Variants in HCN1 observed in about 807,000 individuals in gnomAD.
HCN1 encodes potassium/sodium hyperpolarization-activated cyclic nucleotide-gated channel 1.
In HCN1, 13 loss-of-function variants were observed where a neutral mutation model predicts 78.9. The observed-to-expected ratio is 0.16, with a 90% CI of 0.11 to 0.26. The LOEUF (loss-of-function observed/expected upper bound fraction) is 0.26, where lower values mean the gene tolerates loss of function less well. Ranked by LOEUF, HCN1 falls within the 10% of genes least tolerant of loss-of-function variation. HCN1 has a pLI of 1.00. For synonymous variants in HCN1, 552 were observed against 455.5 expected (o/e 1.21, Z -2.70); for missense variants, 810 against 1,154.3 (o/e 0.70, Z 4.32).
intron 5 of HCN1, among the ~76,000 whole-genome samples, chr5:45,337,164 C>T (rs941012055): frequency 1.3e-5 from 2 of 152,018 alleles, no homozygotes; most frequent in African/African-American, 4.8e-5. Flanking sequence ...TCCAAGTGAG[C>T]TCTGCATTGA....
At chr5:45,406,511 T>C (rs1032637563) in intron 3 of HCN1, among the ~76,000 whole-genome samples, 1 of 152,190 alleles carries the variant, frequency 6.6e-6, no homozygotes, top group Non-Finnish European at 1.5e-5. Context: ...CTTGCTTTAG[T>C]TCACACACTT....
chr5:45,617,928 T>C lies in HCN1; in HGVS notation c.849+27257A>G, dbSNP rs915705709. 2.0e-5 allele frequency among the ~76,000 whole-genome samples: 3 copies of C among 152,138 alleles called. No individual in the cohort carries two copies. The East Asian group carries it at 5.8e-4, about 29-fold the overall frequency. ...CCTGTTCCAGAGTCTACTCATTCATTTGCTACAAAGTATATTGTAGACTTA... is the reference window on the plus strand; with the variant it reads ...CCTGTTCCAGAGTCTACTCATTCATCTGCTACAAAGTATATTGTAGACTTA... On this transcript the variant is annotated intron_variant, in intron 2 of 7. Coordinates refer to ENST00000303230, the MANE Select transcript of HCN1 (RefSeq NM_021072.4).
chr5:45,279,504 T>A (rs746756262), intron 6 of HCN1, among the ~76,000 whole-genome samples: 13 of 152,186 alleles, frequency 8.5e-5, no homozygotes, highest in African/African-American at 1.2e-4. Flanking sequence ...ATTTTTCCTA[T>A]ATTTTGTTAA....
intron 2 of HCN1, among the ~76,000 whole-genome samples, chr5:45,578,811 C>G (rs1054066411): frequency 6.6e-6 from 1 of 151,846 alleles, no homozygotes; most frequent in Non-Finnish European, 1.5e-5. Flanking sequence ...CACTTTTGCT[C>G]TAGAAAGAAG....
At chr5:45,285,836 CTG>C (rs1320034648) in intron 6 of HCN1, among the ~76,000 whole-genome samples, 1 of 151,962 alleles carries the variant, frequency 6.6e-6, no homozygotes, top group Non-Finnish European at 1.5e-5. Context: ...AACATGGTAA[CTG>C]TGACCATGAA....
At chr5:45,345,700 T>C (rs373399474) in intron 5 of HCN1, among the ~76,000 whole-genome samples, 36 of 152,314 alleles carry the variant, frequency 2.4e-4, no homozygotes, top group African/African-American at 7.7e-4. Context: ...TTATTGACCA[T>C]AGCACTTTCA....
chr5:45,694,462 T>G (rs1320161470), intron 1 of HCN1, among the ~76,000 whole-genome samples: 1 of 152,192 alleles, frequency 6.6e-6, no homozygotes, highest in East Asian at 1.9e-4. Flanking sequence ...TTCAGAACTG[T>G]GGACAGCTCC....
chr5:45,381,833 A>G (rs996772228), intron 4 of HCN1, among the ~76,000 whole-genome samples: 5 of 152,054 alleles, frequency 3.3e-5, no homozygotes, highest in Non-Finnish European at 5.9e-5. Flanking sequence ...ACCACAGCCA[A>G]CATGGTCTTT....
At chr5:45,439,799 A>G (rs1740635475) in intron 3 of HCN1, among the ~76,000 whole-genome samples, 1 of 151,882 alleles carries the variant, frequency 6.6e-6, no homozygotes, top group Admixed American at 6.6e-5. Context: ...GCTAGTTCAC[A>G]GACGAAGACA....
intron 2 of HCN1, among the ~76,000 whole-genome samples, chr5:45,566,710 C>T (rs1743713480): frequency 6.6e-6 from 1 of 152,130 alleles, no homozygotes; most frequent in Non-Finnish European, 1.5e-5. Context: ...ACTACAGGTC[C>T]TCATACGTAA....
intron 2 of HCN1, among the ~76,000 whole-genome samples, chr5:45,462,408 A>G (rs1306202970): frequency 6.6e-6 from 1 of 152,100 alleles, no homozygotes; most frequent in Non-Finnish European, 1.5e-5. Flanking sequence ...GATTTGTTGA[A>G]AGACAAAGAA....
chr5:45,418,319 C>A (rs10472404), intron 3 of HCN1, among the ~76,000 whole-genome samples: 2 of 150,494 alleles, frequency 1.3e-5, no homozygotes, highest in Non-Finnish European at 1.5e-5. Flanking sequence ...GGATAAGATA[C>A]GTTTTTCTAC....
chr5:45,325,475 C>G (rs910799657), intron 5 of HCN1, among the ~76,000 whole-genome samples: 3 of 151,644 alleles, frequency 2.0e-5, no homozygotes, highest in African/African-American at 7.3e-5. Flanking sequence ...ACAAATAAAA[C>G]ATATAACTCA....
chr5:45,328,749 G>T (rs953036098), intron 5 of HCN1, among the ~76,000 whole-genome samples: 1 of 151,496 alleles, frequency 6.6e-6, no homozygotes, highest in African/African-American at 2.4e-5. Context: ...CTCTAGTAAC[G>T]AACTGAAACT....
chr5:45,302,438 T>G (rs1229196688), intron 6 of HCN1, among the ~76,000 whole-genome samples: 2 of 152,008 alleles, frequency 1.3e-5, no homozygotes, highest in African/African-American at 4.8e-5. Context: ...TCTCAGGTAT[T>G]TACAGTAGTG....
intron 2 of HCN1, among the ~76,000 whole-genome samples, chr5:45,551,381 CTT>C (rs943742818): frequency 1.4e-5 from 2 of 144,814 alleles, no homozygotes. Flanking sequence ...ATCTCCCAAC[CTT>C]TTTTTTTTTA....
chr5:45,279,910 A>G (rs1277375431), intron 6 of HCN1, among the ~76,000 whole-genome samples: 1 of 152,116 alleles, frequency 6.6e-6, no homozygotes, highest in Non-Finnish European at 1.5e-5. Context: ...TTTTGTAAAG[A>G]AGTTATTTGC....
intron 4 of HCN1, among the ~76,000 whole-genome samples, chr5:45,353,586 TAAAAGA>T (rs1005736345): frequency 2.0e-5 from 3 of 152,012 alleles, no homozygotes; most frequent in Non-Finnish European, 2.9e-5. Context: ...AATTGAGTTC[TAAAAGA>T]AGTATGAAAT....
At chr5:45,280,022 AAGATATATAAT>A (rs2111866406) in intron 6 of HCN1, among the ~76,000 whole-genome samples, 1 of 152,218 alleles carries the variant, frequency 6.6e-6, no homozygotes, top group East Asian at 1.9e-4. Flanking sequence ...TGAAACATGA[AAGATATATAAT>A]TTATTATAAT....
Sources: allele counts gnomAD v4.1 joint callset (sites outside exome capture counted in the v4.1 genomes callset), GRCh38; gene constraint gnomAD v4.1.1; transcripts MANE v1.5; gene names NCBI Gene and HGNC (gene_info 2026-07-23, HGNC 2026-07-21).